The following TENM3 variants were observed in gnomAD, a reference collection of about 807,000 sequenced individuals.
The protein encoded by TENM3 is teneurin transmembrane protein 3, also known as teneurin-3.
In TENM3, 63 loss-of-function variants were observed where a neutral mutation model predicts 255.1. The observed-to-expected ratio is 0.25, with a 90% CI of 0.20 to 0.30. The LOEUF is 0.30. Among genes scored for constraint, TENM3 ranks in the 10% least tolerant of loss-of-function variants. The pLI is 1.00. For missense variants in TENM3, 2,929 were observed against 3,461.1 expected, an observed-to-expected ratio of 0.85 and a Z score of 3.86; for synonymous variants, 1,306 against 1,322.3, an observed-to-expected ratio of 0.99 and a Z score of 0.27.
At chr4:181,661,337 C>G in the TENM3 span, among the ~76,000 whole-genome samples, 1 of 152,148 alleles carries the variant, frequency 6.6e-6, no homozygotes, top group Admixed American at 6.6e-5. Flanking sequence ...CCTGCACTTT[C>G]AGGTTAAAAA....
the TENM3 span, among the ~76,000 whole-genome samples, chr4:181,605,869 T>G: frequency 3.3e-5 from 5 of 152,186 alleles, no homozygotes; most frequent in African/African-American, 4.8e-5. Context: ...ATGAGTTAAA[T>G]TTTGACTTGA....
rs186359912 is a variant in TENM3 at position 182,620,322 on chromosome 4, G to A, written c.750-8329G>A. Reference sequence around the variant, plus strand: ...AACCATTGTGTTGGACCTTGAGAACGGGTAAAAAGAAGTCCTTGGGCTTAA... The same window carrying A: ...AACCATTGTGTTGGACCTTGAGAACAGGTAAAAAGAAGTCCTTGGGCTTAA... On this transcript the variant is annotated intron_variant, in intron 4 of 27. Coordinates refer to ENST00000511685, the MANE Select transcript of TENM3 (RefSeq NM_001080477.4). Among the ~76,000 whole-genome samples, 429 of 152,226 alleles carry A rather than the reference G, an allele frequency of 2.8e-3. 1 individual carries two copies. Among genetic ancestry groups the A allele is most frequent in the African/African-American group, 1.0e-2 (413 of 41,504 alleles).
At chr4:182,595,179 A>G (rs1377052095) in intron 3 of TENM3, among the ~76,000 whole-genome samples, 3 of 152,148 alleles carry the variant, frequency 2.0e-5, no homozygotes, top group South Asian at 4.1e-4. Flanking sequence ...ATGTGTCTCA[A>G]TGGCGCCTCT....
At chr4:181,999,826 T>C in the TENM3 span, among the ~76,000 whole-genome samples, 1 of 152,220 alleles carries the variant, frequency 6.6e-6, no homozygotes, top group Non-Finnish European at 1.5e-5. Flanking sequence ...GAATTCATTT[T>C]CAACCTCAAA....
the TENM3 span, among the ~76,000 whole-genome samples, chr4:181,649,269 G>T: frequency 1.3e-5 from 2 of 152,216 alleles, no homozygotes; most frequent in African/African-American, 4.8e-5. Context: ...CAGTGATTGA[G>T]GCTGGTGATT....
At chr4:182,007,409 G>C in the TENM3 span, among the ~76,000 whole-genome samples, 3 of 152,124 alleles carry the variant, frequency 2.0e-5, no homozygotes, top group African/African-American at 7.2e-5. Flanking sequence ...GGGTGCTCCT[G>C]TATTGGGTGC....
At chr4:182,615,784 T>G (rs867577373) in intron 4 of TENM3, among the ~76,000 whole-genome samples, 14 of 152,162 alleles carry the variant, frequency 9.2e-5, no homozygotes, top group Admixed American at 2.6e-4. Context: ...TTAAGCCCTT[T>G]GACTCTGAGA....
chr4:181,904,211 G>A, the TENM3 span, among the ~76,000 whole-genome samples: 1 of 152,082 alleles, frequency 6.6e-6, no homozygotes, highest in Non-Finnish European at 1.5e-5. Flanking sequence ...ACCTTTGGAT[G>A]CAAGCCACTA....
the TENM3 span, among the ~76,000 whole-genome samples, chr4:181,595,452 A>AC: frequency 3.3e-5 from 5 of 151,534 alleles, no homozygotes; most frequent in African/African-American, 4.8e-5. Context: ...AAAAAAAAAA[A>AC]AACAAGCAAG....
chr4:182,013,896 C>A, the TENM3 span, among the ~76,000 whole-genome samples: 1 of 148,674 alleles, frequency 6.7e-6, no homozygotes, highest in Non-Finnish European at 1.5e-5. Context: ...TTATAAAGTA[C>A]TACAGTATAA....
chr4:182,529,352 T>C (rs955301542), intron 3 of TENM3, among the ~76,000 whole-genome samples: 2 of 152,190 alleles, frequency 1.3e-5, no homozygotes, highest in African/African-American at 4.8e-5. Flanking sequence ...TGGTGGACTT[T>C]CAAGTATAAA....
chr4:182,182,778 G>T (rs1274952553), intron 1 of TENM3, among the ~76,000 whole-genome samples: 1 of 152,160 alleles, frequency 6.6e-6, no homozygotes, highest in African/African-American at 2.4e-5. Flanking sequence ...GAAGGATGAA[G>T]TTAGAGTACA....
rs745425513 is a variant in TENM3, at chr4:182,754,550, A to G, written c.4183A>G (p.Lys1395Glu). Residue 1395 changes from lysine (K) to glutamate (E), a missense_variant, in exon 22 of 28, where the codon AAG (lysine) becomes GAG (glutamate). Physicochemically the swap from Lys to Glu is moderately conservative, Grantham distance 56. This residue lies in a region of TENM3 where 1,608 missense variants were observed against 1,884.4 expected (regional missense o/e 0.85). Transcript: ENST00000511685. The surrounding 1 kb of genome is among the most constrained non-coding windows in gnomAD (Gnocchi z 5.1). ...QVPGVEYPVG[K>E]HAVQTTLESA... The stretch of plus-strand genomic sequence containing the variant: ...TCCCGGAGTGGAATATCCTGTGGGG[A>G]AGCACGCGGTGCAGACAACACTGGA... 6.2e-7 allele frequency: 1 copy of G among 1,613,988 alleles called. No homozygotes were observed. The highest frequency in any genetic ancestry group is 8.5e-7 in the Non-Finnish European group (1 of 1,179,870).
intron 3 of TENM3, among the ~76,000 whole-genome samples, chr4:182,415,455 G>A (rs996974611): frequency 6.6e-6 from 1 of 152,114 alleles, no homozygotes; most frequent in Non-Finnish European, 1.5e-5. Context: ...CTATTAGGTT[G>A]TATACAAACC....
intron 3 of TENM3, among the ~76,000 whole-genome samples, chr4:182,354,768 T>A (rs117049983): frequency 7.9e-4 from 121 of 152,286 alleles, no homozygotes; most frequent in East Asian, 6.0e-3. Flanking sequence ...CATGTTAAAA[T>A]GGATAGAAAT....
intron 3 of TENM3, 111 bp from the exon 4 acceptor site, chr4:182,600,813 T>G (rs1389815293): frequency 3.7e-6 from 2 of 537,560 alleles, no homozygotes; most frequent in Non-Finnish European, 3.1e-6. Flanking sequence ...TATATGCAGT[T>G]TTTAATTCTA....
chr4:182,610,648 C>T (rs746189804), intron 4 of TENM3, among the ~76,000 whole-genome samples: 16 of 152,162 alleles, frequency 1.1e-4, no homozygotes, highest in Non-Finnish European at 2.4e-4. Flanking sequence ...GCACCACTGT[C>T]CTCCAGCCTG....
intron 3 of TENM3, among the ~76,000 whole-genome samples, chr4:182,418,435 G>A (rs141177718): frequency 3.3e-5 from 5 of 152,246 alleles, no homozygotes; most frequent in South Asian, 2.1e-4. Flanking sequence ...AGACACAGAA[G>A]TGATCAAACC....
At chr4:182,171,778 C>T (rs560882526) in intron 1 of TENM3, among the ~76,000 whole-genome samples, 11 of 152,178 alleles carry the variant, frequency 7.2e-5, no homozygotes, top group Admixed American at 6.5e-4. Context: ...AAAAGTCTTA[C>T]TAAAAGTGGC....
Sources: allele counts gnomAD v4.1 joint callset (sites outside exome capture counted in the v4.1 genomes callset), GRCh38; gene constraint gnomAD v4.1.1; regional missense constraint gnomAD v4.1.1; non-coding constraint Gnocchi (gnomAD v3.1); transcripts MANE v1.5; gene names NCBI Gene and HGNC (gene_info 2026-07-23, HGNC 2026-07-21).